CDH20: variants seen among roughly 807,000 people sequenced by gnomAD.
The protein encoded by CDH20 is cadherin 20, also known as cadherin-20.
A neutral mutation model predicts 74.2 loss-of-function variants in CDH20; 29 were observed. That is an observed-to-expected ratio of 0.39 (90% CI 0.29 to 0.53). CDH20 has a LOEUF of 0.53. Ranked by LOEUF, CDH20 falls within the 20% of genes least tolerant of loss-of-function variation. The pLI, the probability that CDH20 is intolerant of heterozygous loss-of-function variation, is 0.69. For missense variants in CDH20, 988 were observed against 1,048.3 expected (o/e 0.94, Z 0.79); for synonymous variants, 469 against 405.4 (o/e 1.16, Z -1.88).
Position 61,534,798 on chromosome 18 carries a change from T to C in CDH20, c.1272-1695T>C, listed in dbSNP as rs138208876. On this transcript the variant is annotated intron_variant, in intron 7 of 11. Transcript: ENST00000262717. ...GCTTCAGTAAGGGGTAGTAAGTTCC[T>C]GTGATCTATTGCACAGCATGGTAAC... 5.0e-3 allele frequency among the ~76,000 whole-genome samples: 768 copies of C among 152,338 alleles called. 6 individuals carry two copies. The highest frequency in any genetic ancestry group is 0.018 in the African/African-American group (738 of 41,560).
intron 1 of CDH20, among the ~76,000 whole-genome samples, chr18:61,369,859 T>C (rs1910971827): frequency 6.6e-6 from 1 of 151,980 alleles, no homozygotes; most frequent in Non-Finnish European, 1.5e-5. Context: ...GGGAGCTAAC[T>C]GACAAGAACA....
At chr18:61,505,107 C>G (rs1170169131) in intron 5 of CDH20, among the ~76,000 whole-genome samples, 3 of 152,130 alleles carry the variant, frequency 2.0e-5, no homozygotes, top group Non-Finnish European at 2.9e-5. Context: ...CTTGAACACC[C>G]TTGAACTACT....
Position 61,528,191 on chromosome 18 carries a change from G to A in CDH20, c.1242G>A (p.Lys414=), listed in dbSNP as rs1264463177. The change falls in exon 7 of 12, where the codon AAG becomes AAA. Residue 414 remains lysine (K), a synonymous_variant. Coordinates refer to ENST00000262717, the MANE Select transcript of CDH20 (RefSeq NM_031891.4). ...CAACCATACAGATCATTTCTGCCAA[G>A]GACCCAGATGTGACCAACAACTCAA... The part of the protein sequence containing the change: ...IGTTIQIISA[K]DPDVTNNSIR... 6.2e-7 allele frequency: 1 copy of A among 1,614,022 alleles called. No individual in the cohort carries two copies.
chr18:61,352,939 G>A (rs1198552223), intron 1 of CDH20, among the ~76,000 whole-genome samples: 1 of 152,082 alleles, frequency 6.6e-6, no homozygotes, highest in Non-Finnish European at 1.5e-5. Flanking sequence ...CACTACCTTG[G>A]CCCCTTATAG....
intron 1 of CDH20, among the ~76,000 whole-genome samples, chr18:61,433,298 C>A (rs993359702): frequency 3.9e-5 from 6 of 152,140 alleles, no homozygotes; most frequent in East Asian, 1.9e-4. Context: ...AGTAGGGGCA[C>A]CTTGTGTTTT....
chr18:61,500,146 A>G (rs1231292552), intron 3 of CDH20, among the ~76,000 whole-genome samples: 1 of 125,202 alleles, frequency 8.0e-6, no homozygotes, highest in Non-Finnish European at 1.7e-5. Context: ...AAAAAAAAAA[A>G]AAAGCAATGA....
At chr18:61,493,625 A>T (rs535461804) in intron 2 of CDH20, among the ~76,000 whole-genome samples, 5 of 152,312 alleles carry the variant, frequency 3.3e-5, no homozygotes, top group Middle Eastern at 3.4e-3. Context: ...CCTGCCCAGG[A>T]CAGGCCCTGA....
intron 1 of CDH20, among the ~76,000 whole-genome samples, chr18:61,486,324 G>A (rs565359): frequency 0.99 from 151,042 of 152,300 alleles, 74,914 homozygotes; most frequent in Middle Eastern, 1. Context: ...AGGAGCACTC[G>A]AACTATTTTC....
At chr18:61,452,201 C>A (rs1909415686) in intron 1 of CDH20, among the ~76,000 whole-genome samples, 1 of 152,138 alleles carries the variant, frequency 6.6e-6, no homozygotes, top group Non-Finnish European at 1.5e-5. Context: ...ATGTCCGATT[C>A]ATTTCCAGTC....
intron 1 of CDH20, among the ~76,000 whole-genome samples, chr18:61,448,286 G>T (rs1439417624): frequency 6.6e-6 from 1 of 152,172 alleles, no homozygotes; most frequent in East Asian, 1.9e-4. Flanking sequence ...GGAATAATGG[G>T]ATTCCTTGTA....
chr18:61,504,555 G>A (rs895637277), intron 5 of CDH20, among the ~76,000 whole-genome samples: 1 of 152,106 alleles, frequency 6.6e-6, no homozygotes, highest in African/African-American at 2.4e-5. Context: ...TAAGGAAAGT[G>A]GAAATATAGA....
intron 1 of CDH20, among the ~76,000 whole-genome samples, chr18:61,462,501 T>C (rs1012722941): frequency 2.0e-5 from 3 of 152,094 alleles, no homozygotes; most frequent in Non-Finnish European, 4.4e-5. Context: ...GACTTCAACA[T>C]ATCTTCTAGG....
chr18:61,502,933 A>T lies in CDH20; in HGVS notation c.662-20A>T, dbSNP rs757309229. On this transcript the variant is annotated intron_variant, in intron 4 of 11. Transcript: ENST00000262717. Reference sequence around the variant, plus strand: ...ACCTGTGGTTTTATTTTTATAAACAAAGTCATTTCTATCCTCCAGGTGTAA... The same window carrying T: ...ACCTGTGGTTTTATTTTTATAAACATAGTCATTTCTATCCTCCAGGTGTAA... The T allele has an allele frequency of 2.5e-6, 4 of 1,573,942 alleles. No individual in the cohort carries two copies. In the East Asian group the frequency reaches 9.1e-5, roughly 36 times the overall value.
intron 8 of CDH20, among the ~76,000 whole-genome samples, chr18:61,538,614 G>GGT (rs1912907410): frequency 1.7e-5 from 1 of 57,550 alleles, no homozygotes; most frequent in Non-Finnish European, 3.5e-5. Flanking sequence ...TTTTGTTTTT[G>GGT]TTTTTGTTTT....
At chr18:61,469,957 T>C (rs1910106264) in intron 1 of CDH20, among the ~76,000 whole-genome samples, 1 of 152,236 alleles carries the variant, frequency 6.6e-6, no homozygotes, top group Non-Finnish European at 1.5e-5. Flanking sequence ...TAAATGAGTT[T>C]CTTTCCCCTA....
chr18:61,516,298 G>C (rs532731679), intron 6 of CDH20, among the ~76,000 whole-genome samples: 1 of 152,148 alleles, frequency 6.6e-6, no homozygotes, highest in Admixed American at 6.5e-5. Context: ...TTTTTGCTAC[G>C]CTTTGAGTTT....
intron 1 of CDH20, among the ~76,000 whole-genome samples, chr18:61,447,920 G>T (rs990109499): frequency 6.6e-6 from 1 of 152,096 alleles, no homozygotes; most frequent in Non-Finnish European, 1.5e-5. Flanking sequence ...CTGGGCAGCC[G>T]ATTTCTACCC....
rs372190849 is a variant in CDH20 at position 61,352,266 on chromosome 18, A to G, written c.-153+18439A>G. ...TTCATTGTAAAAGATGCTAATTTCAATCTGAGCTGTAGCAGCATTGAGAGG... is the reference window on the plus strand; with the variant it reads ...TTCATTGTAAAAGATGCTAATTTCAGTCTGAGCTGTAGCAGCATTGAGAGG... On this transcript the variant is annotated intron_variant, in intron 1 of 11. Transcript: ENST00000262717. Among the ~76,000 whole-genome samples, 23 of 152,300 alleles carry G rather than the reference A, an allele frequency of 1.5e-4. No homozygotes were observed. The South Asian group carries it at 3.3e-3, about 22-fold the overall frequency.
At chr18:61,401,643 C>T (rs1912157560) in intron 1 of CDH20, among the ~76,000 whole-genome samples, 1 of 152,154 alleles carries the variant, frequency 6.6e-6, no homozygotes, top group African/African-American at 2.4e-5. Context: ...GTTCATTGTT[C>T]CTAATGTTGC....
Sources: gnomAD v4.1 joint callset for allele counts (sites outside exome capture counted in the v4.1 genomes callset) on GRCh38, gnomAD v4.1.1 for gene constraint, MANE v1.5 for transcripts, NCBI Gene and HGNC (gene_info 2026-07-23, HGNC 2026-07-21) for gene names.